Variants in TTC29 observed in about 807,000 individuals in gnomAD.
The protein encoded by TTC29 is tetratricopeptide repeat domain 29, also known as tetratricopeptide repeat protein 29.
A neutral mutation model predicts 58.1 loss-of-function variants in TTC29; 49 were observed. The ratio of observed to expected loss-of-function variants is 0.84; its 90% CI spans 0.67 to 1.07. TTC29 has a LOEUF of 1.07. Among genes scored for constraint, TTC29 ranks in the 50% least tolerant of loss-of-function variants. The pLI is 0.00. For missense variants in TTC29, 582 were observed against 555.6 expected (o/e 1.05, Z -0.48); for synonymous variants, 209 against 196.8 (o/e 1.06, Z -0.52).
At chr4:146,824,769 C>T (rs890225490) in intron 9 of TTC29, among the ~76,000 whole-genome samples, 1 of 152,146 alleles carries the variant, frequency 6.6e-6, no homozygotes, top group Non-Finnish European at 1.5e-5. Context: ...ATTACTGCCG[C>T]AATTTCAGAG....
intron 7 of TTC29, among the ~76,000 whole-genome samples, chr4:146,874,239 G>T (rs552102694): frequency 6.6e-6 from 1 of 152,058 alleles, no homozygotes; most frequent in African/African-American, 2.4e-5. Context: ...TGTTCCAAAG[G>T]CCACATTTTG....
chr4:146,779,004 G>GAAAAAA (rs71592470), intron 11 of TTC29, among the ~76,000 whole-genome samples: 6 of 79,876 alleles, frequency 7.5e-5, no homozygotes, highest in African/African-American at 1.5e-4. Flanking sequence ...AAAAAAAAAA[G>GAAAAAA]AAAAGAAAAG....
rs117089843 is a variant in TTC29, at chr4:146,810,943, A to G, written c.1102-7258T>C. 2.0e-3 allele frequency among the ~76,000 whole-genome samples: 306 copies of G among 152,302 alleles called. 9 individuals are homozygous for G. The East Asian group carries it at 0.055, about 27-fold the overall frequency. On this transcript the variant is annotated intron_variant, in intron 10 of 12. Transcript: ENST00000325106. ...GTTAATGGATGGTGAAAATAAATGT[A>G]TCTATCCTCTAATTCGTTTACTGCT...
In TTC29 at chr4:146,707,129, C is replaced by T. The variant is rs775436995; in HGVS notation, c.*29G>A. On this transcript the variant is annotated 3_prime_UTR_variant, in exon 13 of 13. Coordinates refer to ENST00000325106, the MANE Select transcript of TTC29 (RefSeq NM_031956.4). ...TCTAAGGTGACATGATGGATTTCTT[C>T]TTGCTTTGATGTTAAGTGAAAAGCT... 7 of 1,507,802 alleles carry T rather than the reference C, an allele frequency of 4.6e-6. No homozygotes were observed. The South Asian group carries it at 9.3e-5, about 20-fold the overall frequency. The allele number at this position is 1,507,802 out of a possible 1,614,324, so 93.4% of individuals were successfully genotyped here.
At chr4:146,750,161 C>A (rs1235320014) in intron 11 of TTC29, among the ~76,000 whole-genome samples, 1 of 152,062 alleles carries the variant, frequency 6.6e-6, no homozygotes, top group South Asian at 2.1e-4. Flanking sequence ...GCGCCTGCCA[C>A]CAGGCTTGGC....
intron 4 of TTC29, among the ~76,000 whole-genome samples, chr4:146,927,407 C>A (rs535836017): frequency 6.6e-6 from 1 of 152,070 alleles, no homozygotes; most frequent in East Asian, 1.9e-4. Flanking sequence ...TACGTGGCAG[C>A]CTCCCAATAT....
intron 7 of TTC29, among the ~76,000 whole-genome samples, chr4:146,867,849 A>T (rs551334667): frequency 9.9e-4 from 150 of 152,176 alleles, no homozygotes; most frequent in Middle Eastern, 6.8e-3. Context: ...CAAATATATA[A>T]CTTGCTTATA....
rs1223890095 is a variant in TTC29, at chr4:146,935,970, CAAGGTCTAG to C, written c.176+1615_176+1623del. ...TGCTATTCAATTAGTCTGTCTAGGG[CAAGGTCTAG>C]AATGTGTATCAATCAAAAGCATAAT... is the stretch of plus-strand genomic sequence containing the variant. On this transcript the variant is annotated intron_variant, in intron 4 of 12. Coordinates refer to ENST00000325106, the MANE Select transcript of TTC29 (RefSeq NM_031956.4). 5.9e-5 allele frequency among the ~76,000 whole-genome samples: 9 copies of C among 152,260 alleles called. No homozygotes were observed. In the East Asian group the frequency reaches 1.7e-3, roughly 29 times the overall value.
intron 8 of TTC29, among the ~76,000 whole-genome samples, chr4:146,837,689 A>C (rs1728601081): frequency 6.6e-6 from 1 of 152,150 alleles, no homozygotes; most frequent in African/African-American, 2.4e-5. Context: ...TGAGGGGTGC[A>C]CTGCACTTGA....
At chr4:146,908,226 C>T (rs1275347296) in intron 5 of TTC29, among the ~76,000 whole-genome samples, 1 of 152,010 alleles carries the variant, frequency 6.6e-6, no homozygotes, top group African/African-American at 2.4e-5. Context: ...CTTTTTGAAT[C>T]CTGTGGTATT....
intron 11 of TTC29, among the ~76,000 whole-genome samples, chr4:146,786,379 A>C (rs1423030355): frequency 6.6e-6 from 1 of 152,198 alleles, no homozygotes; most frequent in Non-Finnish European, 1.5e-5. Flanking sequence ...CAACTTGTAA[A>C]ATTTAATCCA....
chr4:146,848,656 G>T (rs1051730240), intron 8 of TTC29, among the ~76,000 whole-genome samples: 1 of 152,104 alleles, frequency 6.6e-6, no homozygotes, highest in African/African-American at 2.4e-5. Flanking sequence ...TGTTATATTT[G>T]GTGCTTTTGA....
At chr4:146,846,926 A>G (rs1364548775) in intron 8 of TTC29, among the ~76,000 whole-genome samples, 1 of 152,172 alleles carries the variant, frequency 6.6e-6, no homozygotes, top group Non-Finnish European at 1.5e-5. Flanking sequence ...TTTCCACCTC[A>G]GGCCATTATT....
At chr4:146,792,608 A>G (rs1749545460) in intron 11 of TTC29, among the ~76,000 whole-genome samples, 1 of 152,200 alleles carries the variant, frequency 6.6e-6, no homozygotes, top group South Asian at 2.1e-4. Context: ...TAAAATATCC[A>G]TCTGTTACCC....
At chr4:146,855,624 T>G (rs1463534663) in intron 8 of TTC29, among the ~76,000 whole-genome samples, 5 of 152,202 alleles carry the variant, frequency 3.3e-5, no homozygotes, top group Non-Finnish European at 7.3e-5. Flanking sequence ...TAATGCTATT[T>G]TTAAATCCTA....
At chr4:146,920,244 C>T (rs752708811) in intron 4 of TTC29, among the ~76,000 whole-genome samples, 17 of 150,950 alleles carry the variant, frequency 1.1e-4, no homozygotes, top group African/African-American at 2.2e-4. Flanking sequence ...ACCTTTCATA[C>T]TAAACAACTA....
At chr4:146,886,209 C>A (rs1013169153) in intron 6 of TTC29, among the ~76,000 whole-genome samples, 1 of 152,066 alleles carries the variant, frequency 6.6e-6, no homozygotes, top group Non-Finnish European at 1.5e-5. Context: ...TTCTCTTCAC[C>A]AGTCTGAATG....
chr4:146,820,679 G>A (rs1751752919), intron 9 of TTC29, among the ~76,000 whole-genome samples: 1 of 152,182 alleles, frequency 6.6e-6, no homozygotes, highest in Non-Finnish European at 1.5e-5. Context: ...TATATCAACT[G>A]ATGAATGGGT....
At chr4:146,851,960 G>C (rs1267282431) in intron 8 of TTC29, among the ~76,000 whole-genome samples, 1 of 152,168 alleles carries the variant, frequency 6.6e-6, no homozygotes, top group Non-Finnish European at 1.5e-5. Flanking sequence ...TTTTGAGACG[G>C]AGTCTCACTC....
Sources: gnomAD v4.1 joint callset for allele counts (sites outside exome capture counted in the v4.1 genomes callset) on GRCh38, gnomAD v4.1.1 for gene constraint, MANE v1.5 for transcripts, NCBI Gene and HGNC (gene_info 2026-07-23, HGNC 2026-07-21) for gene names.